MYRIP: variants seen among roughly 807,000 people sequenced by gnomAD.
The protein encoded by MYRIP is rab effector MyRIP.
A neutral mutation model predicts 98.0 loss-of-function variants in MYRIP; 49 were observed. The ratio of observed to expected loss-of-function variants is 0.50; its 90% confidence interval spans 0.40 to 0.63. MYRIP has a LOEUF of 0.63. MYRIP is among the 30% of genes least tolerant of loss of function. The probability of loss-of-function intolerance (pLI) is 0.00; values close to 1 mark genes in which losing one functional copy is unlikely to be tolerated. For synonymous variants in MYRIP, 404 were observed against 409.5 expected, an observed-to-expected ratio of 0.99 and a Z score of 0.16; for missense variants, 1,004 against 1,058.2, an observed-to-expected ratio of 0.95 and a Z score of 0.71.
At chr3:40,198,942 T>C (rs1281490812) in intron 10 of MYRIP, among the ~76,000 whole-genome samples, 1 of 151,766 alleles carries the variant, frequency 6.6e-6, no homozygotes, top group Non-Finnish European at 1.5e-5. Context: ...AACATAACGA[T>C]GAAAAGGAGG....
At chr3:39,900,542 A>AT (rs34530533) in intron 1 of MYRIP, among the ~76,000 whole-genome samples, 37,902 of 151,434 alleles carry the variant, frequency 0.25, 5,955 homozygotes, top group African/African-American at 0.45. Flanking sequence ...GTTATAAAGA[A>AT]TTTTTTTTTC....
intron 3 of MYRIP, among the ~76,000 whole-genome samples, chr3:40,125,544 C>T (rs1164017848): frequency 6.6e-6 from 1 of 152,212 alleles, no homozygotes; most frequent in Non-Finnish European, 1.5e-5. Flanking sequence ...TGGCAACACC[C>T]TCACAGACAT....
At chr3:39,958,513 T>G (rs1945231095) in intron 2 of MYRIP, among the ~76,000 whole-genome samples, 1 of 152,154 alleles carries the variant, frequency 6.6e-6, no homozygotes, top group Non-Finnish European at 1.5e-5. Context: ...CTTTATACCT[T>G]ATACAAAAAT....
At chr3:39,992,821 G>A (rs1421202462) in intron 2 of MYRIP, among the ~76,000 whole-genome samples, 1 of 152,046 alleles carries the variant, frequency 6.6e-6, no homozygotes, top group Non-Finnish European at 1.5e-5. Flanking sequence ...TTGACCTTAG[G>A]CACTCTAGTC....
rs368575093 is a variant in MYRIP, at chr3:40,209,885, G to A, written c.1697G>A (p.Ser566Asn). 45 of 1,613,864 alleles carry A rather than the reference G, an allele frequency of 2.8e-5. No homozygotes were observed. The highest frequency in any genetic ancestry group is 3.6e-5 in the Non-Finnish European group (43 of 1,179,914). The change falls in exon 11 of 17, where the codon AGC (serine) becomes AAC (asparagine). Residue 566 changes from serine (S) to asparagine (N), a missense_variant. Ser to Asn is a conservative substitution (Grantham distance 46, BLOSUM62 1). Coordinates refer to ENST00000302541, the MANE Select transcript of MYRIP (RefSeq NM_015460.4). Reference protein sequence around the residue: ...VSDDLSETDISNEARDPQTLT... With the variant: ...VSDDLSETDINNEARDPQTLT... ...GATGATTTATCAGAGACAGACATCAGCAATGAGGCTCGGGATCCCCAGACT... is the reference window on the plus strand; with the variant it reads ...GATGATTTATCAGAGACAGACATCAACAATGAGGCTCGGGATCCCCAGACT...
At chr3:39,880,150 G>A (rs1012661258) in intron 1 of MYRIP, among the ~76,000 whole-genome samples, 4 of 152,144 alleles carry the variant, frequency 2.6e-5, no homozygotes, top group African/African-American at 9.6e-5. Flanking sequence ...CTGCTGTGCT[G>A]CACCCATTAA....
chr3:40,225,913 T>C (rs972682886), intron 11 of MYRIP, among the ~76,000 whole-genome samples: 11 of 152,164 alleles, frequency 7.2e-5, no homozygotes, highest in Non-Finnish European at 4.4e-5. Flanking sequence ...TGCTCAAACA[T>C]GTCTTTAGAT....
At chr3:39,833,934 C>T (rs1941547149) in intron 1 of MYRIP, among the ~76,000 whole-genome samples, 1 of 152,160 alleles carries the variant, frequency 6.6e-6, no homozygotes, top group Non-Finnish European at 1.5e-5. Context: ...GATGCTGAGG[C>T]AGGAAAATCG....
At chr3:40,156,914 T>C (rs1950255732) in intron 4 of MYRIP, among the ~76,000 whole-genome samples, 1 of 151,990 alleles carries the variant, frequency 6.6e-6, no homozygotes, top group Non-Finnish European at 1.5e-5. Flanking sequence ...TGGGGTTTTC[T>C]AGATATACAA....
chr3:40,126,271 A>T (rs909841412), intron 3 of MYRIP, among the ~76,000 whole-genome samples: 3 of 152,182 alleles, frequency 2.0e-5, no homozygotes, highest in African/African-American at 4.8e-5. Context: ...GGGGCCGAAC[A>T]AGCTGGTTTT....
chr3:40,118,581 T>G (rs1330830968), intron 3 of MYRIP, among the ~76,000 whole-genome samples: 1 of 151,336 alleles, frequency 6.6e-6, no homozygotes, highest in African/African-American at 2.4e-5. Context: ...ATTTATTTAT[T>G]TATTTATTTA....
At chr3:40,110,625 C>A (rs1236578435) in intron 3 of MYRIP, among the ~76,000 whole-genome samples, 1 of 152,114 alleles carries the variant, frequency 6.6e-6, no homozygotes, top group African/African-American at 2.4e-5. Context: ...CTTCTCCTAC[C>A]AACCACGGGA....
At position 39,869,402 on chromosome 3, in the gene MYRIP, TG is replaced by T. The variant is rs1204836465; in HGVS notation, c.-30-31384del. 3.3e-5 allele frequency among the ~76,000 whole-genome samples: 5 copies of T among 152,240 alleles called. No individual in the cohort carries two copies. In the East Asian group the frequency reaches 5.8e-4, roughly 18 times the overall value. On this transcript the variant is annotated intron_variant, in intron 1 of 16. Coordinates refer to ENST00000302541, the MANE Select transcript of MYRIP (RefSeq NM_015460.4). Reference sequence around the variant, plus strand: ...ACTTTTCAACTCCAGAATTTTAATTTGTTTTTTTTCATAATTTCTATCTCTC... The same window carrying T: ...ACTTTTCAACTCCAGAATTTTAATTTTTTTTTTTCATAATTTCTATCTCTC...
chr3:40,231,828 G>C (rs1318593365), intron 11 of MYRIP, among the ~76,000 whole-genome samples: 2 of 152,128 alleles, frequency 1.3e-5, no homozygotes, highest in African/African-American at 4.8e-5. Flanking sequence ...CAAAGGCACT[G>C]TGTCTACCAA....
intron 12 of MYRIP, among the ~76,000 whole-genome samples, chr3:40,234,784 C>A (rs186832498): frequency 6.6e-6 from 1 of 152,022 alleles, no homozygotes; most frequent in Non-Finnish European, 1.5e-5. Flanking sequence ...CACTTGAGGT[C>A]GGGAGTTTGA....
intron 1 of MYRIP, among the ~76,000 whole-genome samples, chr3:39,886,082 C>G (rs1198865335): frequency 6.6e-6 from 1 of 151,892 alleles, no homozygotes. Flanking sequence ...CATATCCAGC[C>G]AAACTAAGCT....
chr3:39,828,577 C>T (rs1021292131), intron 1 of MYRIP, among the ~76,000 whole-genome samples: 1 of 152,088 alleles, frequency 6.6e-6, no homozygotes, highest in African/African-American at 2.4e-5. Context: ...GTGGACCCAT[C>T]ACCTGAGCAG....
intron 2 of MYRIP, among the ~76,000 whole-genome samples, chr3:40,002,103 G>A (rs189530714): frequency 8.5e-4 from 129 of 152,294 alleles, no homozygotes; most frequent in African/African-American, 3.0e-3. Flanking sequence ...TCCTTTTGGT[G>A]TGAGGTCAGG....
At chr3:39,990,423 A>G (rs1340128346) in intron 2 of MYRIP, among the ~76,000 whole-genome samples, 2 of 152,144 alleles carry the variant, frequency 1.3e-5, no homozygotes, top group Non-Finnish European at 2.9e-5. Context: ...CTAGTCAGCC[A>G]TCTTGACCCC....
Sources: gnomAD v4.1 joint callset for allele counts (sites outside exome capture counted in the v4.1 genomes callset) on GRCh38, gnomAD v4.1.1 for gene constraint, MANE v1.5 for transcripts, NCBI Gene and HGNC (gene_info 2026-07-23, HGNC 2026-07-21) for gene names.